PLEKHM3: variants seen among roughly 807,000 people sequenced by gnomAD.
PLEKHM3 encodes the protein pleckstrin homology domain containing M3, also known as pleckstrin homology domain-containing family M member 3.
PLEKHM3 carries 45 observed loss-of-function variants against 81.8 expected under a neutral mutation model. That is an observed-to-expected ratio of 0.55 (90% CI 0.43 to 0.71). The LOEUF is 0.71. PLEKHM3 is among the 30% of genes least tolerant of loss of function. The pLI is 0.00. For synonymous variants in PLEKHM3, 352 were observed against 356.4 expected (o/e 0.99, Z 0.14); for missense variants, 788 against 924.3 (o/e 0.85, Z 1.91).
intron 7 of PLEKHM3, among the ~76,000 whole-genome samples, chr2:207,842,399 G>A (rs546313793): frequency 5.3e-5 from 8 of 152,298 alleles, no homozygotes; most frequent in African/African-American, 1.9e-4. Flanking sequence ...CATTGTACAA[G>A]TTTGGTGGGT....
At chr2:207,922,380 T>C (rs1390657209) in intron 5 of PLEKHM3, among the ~76,000 whole-genome samples, 1 of 152,220 alleles carries the variant, frequency 6.6e-6, no homozygotes, top group Non-Finnish European at 1.5e-5. Context: ...ATTCTACACA[T>C]AATTACTATT....
At chr2:207,999,004 T>C (rs183632108) in intron 2 of PLEKHM3, among the ~76,000 whole-genome samples, 26 of 152,230 alleles carry the variant, frequency 1.7e-4, no homozygotes, top group Admixed American at 3.3e-4. Context: ...TTTTTTTTTT[T>C]TGAGACAGAG....
intron 7 of PLEKHM3, among the ~76,000 whole-genome samples, chr2:207,852,433 A>G (rs1004977461): frequency 6.6e-6 from 1 of 152,206 alleles, no homozygotes; most frequent in Non-Finnish European, 1.5e-5. Flanking sequence ...CCTTCTCTAT[A>G]TCTGTCAGAG....
chr2:207,995,704 C>T (rs779789122), intron 2 of PLEKHM3, among the ~76,000 whole-genome samples: 12 of 152,210 alleles, frequency 7.9e-5, no homozygotes, highest in Non-Finnish European at 1.5e-4. Flanking sequence ...AAAGTGTTAG[C>T]TGCCACTGCC....
intron 6 of PLEKHM3, among the ~76,000 whole-genome samples, chr2:207,863,475 A>G (rs542487734): frequency 6.6e-6 from 1 of 152,376 alleles, no homozygotes; most frequent in Non-Finnish European, 1.5e-5. Flanking sequence ...TTTATGACTC[A>G]GGATTTATTC....
Position 207,825,949 on chromosome 2 carries a change from C to A in PLEKHM3, c.*2370G>T, listed in dbSNP as rs1204021746. Reference sequence around the variant, plus strand: ...AAACAAAGATGTTTTGAACGGGGATCCAGAATTTCGCCCTTGACTCTCGGC... The same window carrying A: ...AAACAAAGATGTTTTGAACGGGGATACAGAATTTCGCCCTTGACTCTCGGC... On this transcript the variant is annotated 3_prime_UTR_variant, in exon 8 of 8. Transcript: ENST00000427836. The A allele has an allele frequency of 6.6e-6, 1 of 152,136 alleles. No individual in the cohort carries two copies. The highest frequency in any genetic ancestry group is 2.4e-5 in the African/African-American group (1 of 41,404). 9.4% of individuals were successfully genotyped at this position (152,136 alleles called of 1,614,324 possible).
chr2:207,859,998 C>G (rs1249863269), intron 7 of PLEKHM3, among the ~76,000 whole-genome samples: 1 of 152,142 alleles, frequency 6.6e-6, no homozygotes, highest in Non-Finnish European at 1.5e-5. Flanking sequence ...CCAGTTTGGG[C>G]CTTCCTCTGA....
intron 4 of PLEKHM3, among the ~76,000 whole-genome samples, chr2:207,945,874 CTGGGTGA>C (rs1690107134): frequency 6.6e-6 from 1 of 151,216 alleles, no homozygotes; most frequent in Non-Finnish European, 1.5e-5. Flanking sequence ...GCACTCCAGC[CTGGGTGA>C]TGGAGTGAGA....
At chr2:207,983,376 G>A (rs1189779343) in intron 2 of PLEKHM3, among the ~76,000 whole-genome samples, 1 of 152,026 alleles carries the variant, frequency 6.6e-6, no homozygotes, top group East Asian at 1.9e-4. Context: ...TATGGCATGG[G>A]GGATTAGCAC....
At chr2:207,943,645 GATC>G (rs1690017133) in intron 4 of PLEKHM3, among the ~76,000 whole-genome samples, 2 of 151,956 alleles carry the variant, frequency 1.3e-5, no homozygotes, top group Admixed American at 1.3e-4. Context: ...GAGGCGGGCG[GATC>G]ACGAGGTCAG....
chr2:207,964,234 A>G (rs145800096), intron 3 of PLEKHM3, among the ~76,000 whole-genome samples: 3,038 of 152,144 alleles, frequency 0.02, 40 homozygotes, highest in Admixed American at 0.033. Flanking sequence ...AGAACCTCCT[A>G]TGGGCTAAAC....
At chr2:207,905,102 T>C (rs2105895874) in intron 6 of PLEKHM3, among the ~76,000 whole-genome samples, 1 of 152,346 alleles carries the variant, frequency 6.6e-6, no homozygotes. Flanking sequence ...AAGAGAAATG[T>C]GTAGACAGGA....
intron 3 of PLEKHM3, among the ~76,000 whole-genome samples, chr2:207,969,429 T>C (rs926538341): frequency 6.6e-6 from 1 of 152,250 alleles, no homozygotes; most frequent in Admixed American, 6.5e-5. Context: ...CTATCAAGGA[T>C]GCTTGTATTG....
intron 2 of PLEKHM3, among the ~76,000 whole-genome samples, chr2:207,980,942 A>G (rs62190863): frequency 0.11 from 17,284 of 152,016 alleles, 1,093 homozygotes; most frequent in Non-Finnish European, 0.13. Flanking sequence ...GCCTCGTCCA[A>G]CATGGAGAAA....
rs2092572310 is a variant in PLEKHM3, at chr2:207,878,860, T to C, written c.1951-17598A>G. Among the ~76,000 whole-genome samples the C allele has an allele frequency of 2.0e-5, 3 of 151,998 alleles. 1 individual carries two copies. Among genetic ancestry groups the C allele is most frequent in the African/African-American group, 7.2e-5 (3 of 41,382 alleles). On this transcript the variant is annotated intron_variant, in intron 6 of 7. Coordinates refer to ENST00000427836, the MANE Select transcript of PLEKHM3 (RefSeq NM_001080475.3). ...ATTTTTTTTATTTTTTTATTTTTTA[T>C]TGAAAAGCCCCGGAAGCCTCTTCTG...
intron 6 of PLEKHM3, among the ~76,000 whole-genome samples, chr2:207,878,421 C>T (rs1410945176): frequency 6.6e-6 from 1 of 152,116 alleles, no homozygotes; most frequent in Admixed American, 6.5e-5. Flanking sequence ...CCAGCCTGAC[C>T]AACATGGAGA....
At chr2:208,010,567 C>A (rs771198210) in intron 1 of PLEKHM3, among the ~76,000 whole-genome samples, 1 of 150,822 alleles carries the variant, frequency 6.6e-6, no homozygotes, top group Non-Finnish European at 1.5e-5. Context: ...GCAAAAACTT[C>A]CATGATAAAA....
chr2:208,014,959 C>T (rs1048343053), intron 1 of PLEKHM3, among the ~76,000 whole-genome samples: 24 of 152,272 alleles, frequency 1.6e-4, no homozygotes, highest in Admixed American at 1.0e-3. Context: ...TGGATGGACA[C>T]ATTTTAAAGG....
chr2:207,876,777 C>T (rs967756559), intron 6 of PLEKHM3, among the ~76,000 whole-genome samples: 6 of 152,194 alleles, frequency 3.9e-5, no homozygotes, highest in African/African-American at 1.4e-4. Context: ...GTTTTAAATG[C>T]CCTCTTCCAA....
Sources: gnomAD v4.1 joint callset for allele counts (sites outside exome capture counted in the v4.1 genomes callset) on GRCh38, gnomAD v4.1.1 for gene constraint, MANE v1.5 for transcripts, NCBI Gene and HGNC (gene_info 2026-07-23, HGNC 2026-07-21) for gene names.